MORN4: variants seen among roughly 807,000 people sequenced by gnomAD.
MORN4 encodes the protein MORN repeat-containing protein 4.
Under a neutral mutation model 16.4 loss-of-function variants are expected in MORN4, and 8 were observed. That is an observed-to-expected ratio of 0.49 (90% CI 0.29 to 0.88). The LOEUF (loss-of-function observed/expected upper bound fraction) is 0.88, where lower values mean the gene tolerates loss of function less well. MORN4 is among the 40% of genes least tolerant of loss of function. The probability of loss-of-function intolerance (pLI) is 0.09; values close to 1 mark genes in which losing one functional copy is unlikely to be tolerated. For synonymous variants in MORN4, 53 were observed against 68.9 expected (o/e 0.77, Z 1.14); for missense variants, 159 against 182.9 (o/e 0.87, Z 0.75).
rs1312604779 is a variant in MORN4 at position 97,616,267 on chromosome 10, G to A, written c.437C>T (p.Ala146Val). 3.1e-6 allele frequency: 5 copies of A among 1,597,160 alleles called. No homozygotes were observed. The highest frequency in any genetic ancestry group is 4.3e-6 in the Non-Finnish European group (5 of 1,171,944). ...SASKSARNLT[A>V] is the part of the protein sequence containing the mutation. ...CAGCTGGTGCCCACTGCGCTGTCAG[G>A]CAGTGAGATTTCTGGCTGACTTGGA... Residue 146 changes from alanine (A) to valine (V), a missense_variant, in exon 5 of 5, where the codon GCC (alanine) becomes GTC (valine). Ala to Val is a moderately conservative substitution (Grantham distance 64, BLOSUM62 0). Coordinates refer to ENST00000307450, the MANE Select transcript of MORN4 (RefSeq NM_178832.4).
intron 1 of MORN4, among the ~76,000 whole-genome samples, chr10:97,620,617 C>T (rs1368797152): frequency 1.3e-5 from 2 of 151,078 alleles, no homozygotes; most frequent in East Asian, 3.9e-4. Context: ...GGTCTCATTA[C>T]AGTTGAGGGT....
intron 1 of MORN4, among the ~76,000 whole-genome samples, chr10:97,632,854 T>C (rs933686873): frequency 6.6e-6 from 1 of 151,996 alleles, no homozygotes; most frequent in African/African-American, 2.4e-5. Context: ...ACCTAAGCAG[T>C]TCAGAGATGC....
At chr10:97,621,326 C>G (rs2041291387) in intron 1 of MORN4, among the ~76,000 whole-genome samples, 1 of 152,066 alleles carries the variant, frequency 6.6e-6, no homozygotes, top group Non-Finnish European at 1.5e-5. Context: ...CCTTTGAAAG[C>G]TGGGCATAAG....
At chr10:97,632,501 G>A (rs1415739957) in intron 1 of MORN4, among the ~76,000 whole-genome samples, 2 of 152,096 alleles carry the variant, frequency 1.3e-5, no homozygotes, top group Non-Finnish European at 2.9e-5. Flanking sequence ...ACAGGCGTGA[G>A]CCACCGCGCC....
At chr10:97,629,020 A>C (rs2041372501) in intron 1 of MORN4, among the ~76,000 whole-genome samples, 1 of 152,200 alleles carries the variant, frequency 6.6e-6, no homozygotes, top group African/African-American at 2.4e-5. Context: ...TGATCCATTA[A>C]AAGGTGAAAT....
At chr10:97,633,690 T>A, upstream of MORN4, 1 of 1,212,078 alleles carries the variant, frequency 8.3e-7, no homozygotes, top group East Asian at 5.8e-5. The surrounding 1 kb of genome is among the most constrained non-coding windows in gnomAD (Gnocchi z 4.5). Context: ...AGATCTGGCC[T>A]ACCCAGAGGC....
At chr10:97,618,787 G>GTTTT (rs374979684) in intron 2 of MORN4, among the ~76,000 whole-genome samples, 2 of 133,538 alleles carry the variant, frequency 1.5e-5, no homozygotes, top group Non-Finnish European at 1.6e-5. Flanking sequence ...GATACTGGTT[G>GTTTT]TTTTTTTTTT....
intron 1 of MORN4, among the ~76,000 whole-genome samples, chr10:97,631,583 G>A (rs1054284851): frequency 2.6e-5 from 4 of 150,988 alleles, no homozygotes; most frequent in African/African-American, 9.8e-5. Context: ...CAACATTTTT[G>A]TATTCACAGT....
chr10:97,621,839 T>C (rs1352418553), intron 1 of MORN4, among the ~76,000 whole-genome samples: 1 of 151,812 alleles, frequency 6.6e-6, no homozygotes, highest in Non-Finnish European at 1.5e-5. Flanking sequence ...CATTCCAGCC[T>C]GGGCGACAGA....
chr10:97,632,482 G>C (rs1186753957), intron 1 of MORN4, among the ~76,000 whole-genome samples: 5 of 152,018 alleles, frequency 3.3e-5, no homozygotes, highest in Non-Finnish European at 7.4e-5. Context: ...CTCCCAAAGT[G>C]TTGGGATTAC....
chr10:97,616,707 T>C lies in MORN4; in HGVS notation c.263A>G (p.Glu88Gly). The C allele has an allele frequency of 2.5e-6, 4 of 1,614,002 alleles. No homozygotes were observed. Among genetic ancestry groups the C allele is most frequent in the Non-Finnish European group, 3.4e-6 (4 of 1,179,954 alleles). The change falls in exon 4 of 5, where the codon GAA becomes GGA. Residue 88 changes from glutamate to glycine, a missense_variant. Coordinates refer to ENST00000307450, the MANE Select transcript of MORN4 (RefSeq NM_178832.4). ...IRYDNMTFEG[E>G]FKNGRVDGFG... ...ACCATCTACTCTGCCATTTTTAAATTCCCCCTCAAAGGTCATGTTGTCATA... is the reference window on the plus strand; with the variant it reads ...ACCATCTACTCTGCCATTTTTAAATCCCCCCTCAAAGGTCATGTTGTCATA...
chr10:97,616,842 C>T (rs937520713), intron 3 of MORN4, 55 bp from the exon 4 acceptor site: 21 of 1,230,218 alleles, frequency 1.7e-5, no homozygotes, highest in Middle Eastern at 1.8e-4. Context: ...TCCAGATGAA[C>T]GGAGTCGAGC....
At chr10:97,624,956 G>T (rs749795966) in intron 1 of MORN4, among the ~76,000 whole-genome samples, 2 of 152,134 alleles carry the variant, frequency 1.3e-5, no homozygotes, top group Non-Finnish European at 2.9e-5. Context: ...GCCTCCCAAA[G>T]TGCTAAGAAT....
In MORN4 at chr10:97,633,151, C is replaced by T. The variant is rs1183473832; in HGVS notation, c.-31+196G>A. ...TGCTCGCTAACCCCAGTCCAGTCAG[C>T]TCTCCCGGGCCTCGACCCCCGCGGT... On this transcript the variant is annotated intron_variant, in intron 1 of 4. Coordinates refer to ENST00000307450, the MANE Select transcript of MORN4 (RefSeq NM_178832.4). This position sits in a 1 kb window ranked among gnomAD's most constrained non-coding sequence, Gnocchi z 4.5. Among the ~76,000 whole-genome samples the T allele has an allele frequency of 6.6e-6, 1 of 152,138 alleles. No individual in the cohort carries two copies. The highest frequency in any genetic ancestry group is 1.5e-5 in the Non-Finnish European group (1 of 68,034).
At chr10:97,617,165 C>T in intron 3 of MORN4, 43 bp downstream of exon 3, 6 of 1,480,052 alleles carry the variant, frequency 4.1e-6, no homozygotes, top group Non-Finnish European at 5.7e-6. Context: ...TCTGTCAGAC[C>T]CTCCCTTATT....
rs537045810 is a variant in MORN4 at position 97,619,571 on chromosome 10, C to T, written c.67+16G>A. 7 of 1,585,322 alleles carry T rather than the reference C, an allele frequency of 4.4e-6. No homozygotes were observed. In the African/African-American group the frequency reaches 8.1e-5, roughly 18 times the overall value. The stretch of plus-strand genomic sequence containing the variant: ...TGAAGTGTTCATCATGGATACTCCC[C>T]AGGGGTCCTTCTCACCCTCCTTCCA... On this transcript the variant is annotated intron_variant, in intron 2 of 4. Coordinates refer to ENST00000307450, the MANE Select transcript of MORN4 (RefSeq NM_178832.4).
chr10:97,618,930 A>G (rs2041263537), intron 2 of MORN4, among the ~76,000 whole-genome samples: 1 of 152,018 alleles, frequency 6.6e-6, no homozygotes, highest in African/African-American at 2.4e-5. Context: ...TCCTTGCCTC[A>G]ATTTCCCCAT....
intron 3 of MORN4, 84 bp from the exon 4 acceptor site, chr10:97,616,871 T>C (rs1420333864): frequency 1.2e-5 from 12 of 962,978 alleles, no homozygotes; most frequent in South Asian, 6.5e-5. Context: ...ATCTCTGTTA[T>C]TTAATGATGC....
intron 1 of MORN4, among the ~76,000 whole-genome samples, chr10:97,624,160 T>C (rs2041329026): frequency 6.6e-6 from 1 of 152,166 alleles, no homozygotes; most frequent in Non-Finnish European, 1.5e-5. Flanking sequence ...GTTCCATAGT[T>C]TCATAGCACA....
Sources: allele counts gnomAD v4.1 joint callset (sites outside exome capture counted in the v4.1 genomes callset), GRCh38; gene constraint gnomAD v4.1.1; non-coding constraint Gnocchi (gnomAD v3.1); transcripts MANE v1.5; gene names NCBI Gene and HGNC (gene_info 2026-07-23, HGNC 2026-07-21).